EXOC6B: variants seen among roughly 807,000 people sequenced by gnomAD.
The protein encoded by EXOC6B is SEC15 homolog B.
EXOC6B carries 54 observed loss-of-function variants against 113.5 expected under a neutral mutation model. The ratio of observed to expected loss-of-function variants is 0.48; its 90% CI spans 0.38 to 0.60. The LOEUF (loss-of-function observed/expected upper bound fraction) is 0.60. Among genes scored for constraint, EXOC6B ranks in the 20% least tolerant of loss-of-function variants. The pLI, the probability that EXOC6B is intolerant of heterozygous loss-of-function variation, is 0.00. For missense variants in EXOC6B, 797 were observed against 977.5 expected, an observed-to-expected ratio of 0.82 and a Z score of 2.46; for synonymous variants, 357 against 339.0, an observed-to-expected ratio of 1.05 and a Z score of -0.58.
At chr2:72,340,108 GA>G (rs928404138) in intron 19 of EXOC6B, among the ~76,000 whole-genome samples, 2 of 151,934 alleles carry the variant, frequency 1.3e-5, no homozygotes, top group African/African-American at 4.8e-5. Context: ...CGAGGGGAAA[GA>G]AAAAAATTAA....
chr2:72,668,912 T>C (rs1002488844), intron 6 of EXOC6B, among the ~76,000 whole-genome samples: 37 of 152,042 alleles, frequency 2.4e-4, no homozygotes, highest in Non-Finnish European at 4.0e-4. Context: ...TACCCCCTAA[T>C]TCTAAAATAA....
chr2:72,199,192 G>C (rs1386568569), intron 20 of EXOC6B, among the ~76,000 whole-genome samples: 3 of 152,118 alleles, frequency 2.0e-5, no homozygotes, highest in Admixed American at 1.3e-4. Context: ...ACACACCACG[G>C]AAGATTGGAA....
intron 5 of EXOC6B, among the ~76,000 whole-genome samples, chr2:72,720,427 A>C (rs1011230793): frequency 1.3e-5 from 2 of 152,120 alleles, no homozygotes; most frequent in African/African-American, 4.8e-5. Flanking sequence ...TGAAAGTAAA[A>C]GAGGAAAGAA....
rs145143722 is a variant in EXOC6B, at chr2:72,232,196, A to T, written c.2197-48009T>A. On this transcript the variant is annotated intron_variant, in intron 20 of 21. Coordinates refer to ENST00000272427, the MANE Select transcript of EXOC6B (RefSeq NM_015189.3). ...CAATACGTTGGCCAGGCTTGTTTCA[A>T]ACTCCGGACCTCAAGTGATCCATCT... Among the ~76,000 whole-genome samples the T allele has an allele frequency of 2.0e-5, 3 of 152,112 alleles. No individual in the cohort carries two copies. In the South Asian group the frequency reaches 6.2e-4, roughly 32 times the overall value.
At chr2:72,330,446 AAGAC>A (rs1250585343) in intron 20 of EXOC6B, among the ~76,000 whole-genome samples, 1 of 152,096 alleles carries the variant, frequency 6.6e-6, no homozygotes, top group Non-Finnish European at 1.5e-5. Context: ...TAAAAGAGAA[AAGAC>A]AGTCTAGATC....
intron 8 of EXOC6B, among the ~76,000 whole-genome samples, chr2:72,546,995 T>C (rs778584778): frequency 6.6e-6 from 1 of 152,234 alleles, no homozygotes; most frequent in Non-Finnish European, 1.5e-5. Flanking sequence ...TTTCTGGGTC[T>C]ATGGATGAGA....
chr2:72,756,845 GAGTAAA>G (rs1186445497), intron 1 of EXOC6B, among the ~76,000 whole-genome samples: 3 of 152,198 alleles, frequency 2.0e-5, no homozygotes, highest in African/African-American at 7.2e-5. Flanking sequence ...AAAGGAAGAT[GAGTAAA>G]AGGAAGAGGA....
At chr2:72,420,309 A>G (rs1694796293) in intron 18 of EXOC6B, among the ~76,000 whole-genome samples, 1 of 152,106 alleles carries the variant, frequency 6.6e-6, no homozygotes, top group South Asian at 2.1e-4. Flanking sequence ...ACATAGGTAT[A>G]CACGTGCCAT....
At chr2:72,813,183 G>A (rs1370049614) in intron 1 of EXOC6B, among the ~76,000 whole-genome samples, 2 of 152,070 alleles carry the variant, frequency 1.3e-5, no homozygotes, top group East Asian at 3.9e-4. Flanking sequence ...TCAACCTCCT[G>A]GGCTCAGGTG....
At position 72,402,221 on chromosome 2, in the gene EXOC6B, G is replaced by C. The variant is rs566060705; in HGVS notation, c.1981-22351C>G. Among the ~76,000 whole-genome samples the C allele has an allele frequency of 7.2e-5, 11 of 152,140 alleles. No homozygotes were observed. In the South Asian group the frequency reaches 2.3e-3, roughly 32 times the overall value. The stretch of plus-strand genomic sequence containing the variant: ...AGATTTTGTATTTATTCTTGAGTCA[G>C]TTTAGGTAACGTGCATGTTTCTAGG... On this transcript the variant is annotated intron_variant, in intron 18 of 21. Transcript: ENST00000272427.
At chr2:72,404,797 G>C (rs1356787951) in intron 18 of EXOC6B, among the ~76,000 whole-genome samples, 1 of 152,172 alleles carries the variant, frequency 6.6e-6, no homozygotes, top group Non-Finnish European at 1.5e-5. Flanking sequence ...AAAAATCAGA[G>C]CGCCTTTCCT....
At chr2:72,590,692 T>C (rs556180643) in intron 6 of EXOC6B, among the ~76,000 whole-genome samples, 42 of 152,030 alleles carry the variant, frequency 2.8e-4, no homozygotes, top group Non-Finnish European at 5.4e-4. Flanking sequence ...ATCAATAACT[T>C]CTGCTAACAT....
intron 20 of EXOC6B, among the ~76,000 whole-genome samples, chr2:72,199,891 GTTTTTA>G (rs1376342231): frequency 3.9e-5 from 6 of 151,980 alleles, no homozygotes; most frequent in Non-Finnish European, 7.4e-5. Context: ...CTTTTGGGAG[GTTTTTA>G]TTTTTATTTT....
chr2:72,331,611 A>G (rs1217516140), intron 20 of EXOC6B, among the ~76,000 whole-genome samples: 6 of 152,104 alleles, frequency 3.9e-5, no homozygotes, highest in Non-Finnish European at 5.9e-5. Flanking sequence ...ATGAGAAGTC[A>G]TACTGCAATC....
intron 1 of EXOC6B, among the ~76,000 whole-genome samples, chr2:72,811,117 G>C (rs1685894664): frequency 6.6e-6 from 1 of 151,916 alleles, no homozygotes; most frequent in Non-Finnish European, 1.5e-5. Context: ...AGGATCACTT[G>C]ATGCCAGGAG....
At chr2:72,796,128 G>C (rs1684928227) in intron 1 of EXOC6B, among the ~76,000 whole-genome samples, 1 of 144,974 alleles carries the variant, frequency 6.9e-6, no homozygotes, top group Non-Finnish European at 1.5e-5. Flanking sequence ...CAGCCTTCAG[G>C]TATTTTTAAA....
At chr2:72,721,345 T>C (rs114760717) in intron 5 of EXOC6B, among the ~76,000 whole-genome samples, 1,743 of 31,034 alleles carry the variant, frequency 0.056, 52 homozygotes, top group African/African-American at 0.22. Context: ...AAAAGGTTAA[T>C]AAACTTGAGT....
At chr2:72,684,305 G>A (rs1277089034) in intron 6 of EXOC6B, among the ~76,000 whole-genome samples, 2 of 152,036 alleles carry the variant, frequency 1.3e-5, no homozygotes, top group Non-Finnish European at 2.9e-5. Flanking sequence ...ACCACCATGA[G>A]ATAACACTAC....
At chr2:72,372,465 T>C (rs1399528798) in intron 19 of EXOC6B, among the ~76,000 whole-genome samples, 1 of 152,134 alleles carries the variant, frequency 6.6e-6, no homozygotes, top group Non-Finnish European at 1.5e-5. Context: ...TGGCATTAAA[T>C]CCGACACACA....
Sources: gnomAD v4.1 joint callset for allele counts (sites outside exome capture counted in the v4.1 genomes callset) on GRCh38, gnomAD v4.1.1 for gene constraint, MANE v1.5 for transcripts, NCBI Gene and HGNC (gene_info 2026-07-23, HGNC 2026-07-21) for gene names.